The following MOSMO variants were observed in gnomAD, a reference collection of about 807,000 sequenced individuals.
The protein encoded by MOSMO is modulator of smoothened.
A neutral mutation model predicts 18.4 loss-of-function variants in MOSMO; 5 were observed. The ratio of observed to expected loss-of-function variants is 0.27; its 90% CI spans 0.14 to 0.57. MOSMO has a LOEUF of 0.57. MOSMO is among the 20% of genes least tolerant of loss of function. MOSMO has a pLI of 0.92. For missense variants in MOSMO, 138 were observed against 211.8 expected, an observed-to-expected ratio of 0.65 and a Z score of 2.16; for synonymous variants, 82 against 82.3, an observed-to-expected ratio of 1.00 and a Z score of 0.02.
intron 1 of MOSMO, among the ~76,000 whole-genome samples, chr16:22,032,116 T>A (rs1401887742): frequency 6.6e-6 from 1 of 152,138 alleles, no homozygotes; most frequent in Non-Finnish European, 1.5e-5. Context: ...ATGTAGCGCA[T>A]CTTTCCATAT....
At chr16:22,042,776 C>T (rs1900234251) in intron 1 of MOSMO, among the ~76,000 whole-genome samples, 1 of 152,170 alleles carries the variant, frequency 6.6e-6, no homozygotes, top group South Asian at 2.1e-4. Flanking sequence ...AACGGGAGTC[C>T]GTTCAGATGA....
chr16:22,076,773 T>C (rs1432946018), intron 2 of MOSMO, among the ~76,000 whole-genome samples: 1 of 152,230 alleles, frequency 6.6e-6, no homozygotes, highest in Non-Finnish European at 1.5e-5. Flanking sequence ...GAGAGTGATA[T>C]TCCTTCATGA....
At chr16:22,065,657 CTAT>C in intron 1 of MOSMO, among the ~76,000 whole-genome samples, 1 of 152,086 alleles carries the variant, frequency 6.6e-6, no homozygotes, top group Non-Finnish European at 1.5e-5. Flanking sequence ...TTCCTGAAAA[CTAT>C]TATTCAGTGC....
intron 1 of MOSMO, among the ~76,000 whole-genome samples, chr16:22,010,715 T>C (rs1899507114): frequency 6.6e-6 from 1 of 151,804 alleles, no homozygotes; most frequent in Non-Finnish European, 1.5e-5. Flanking sequence ...GGACAGGAGT[T>C]TGAGACCATC....
chr16:22,051,642 T>C (rs1900429570), intron 1 of MOSMO, among the ~76,000 whole-genome samples: 1 of 152,178 alleles, frequency 6.6e-6, no homozygotes, highest in South Asian at 2.1e-4. Context: ...ATATTAATAA[T>C]AAATCAATAA....
chr16:22,059,077 G>A (rs972010579), intron 1 of MOSMO, among the ~76,000 whole-genome samples: 8 of 151,988 alleles, frequency 5.3e-5, no homozygotes, highest in Admixed American at 1.3e-4. Context: ...TCTCTCTCTC[G>A]CCAGATATAT....
downstream of MOSMO, chr16:22,087,144 G>C (rs1901198950): frequency 6.6e-6 from 1 of 152,220 alleles, no homozygotes; most frequent in African/African-American, 2.4e-5. Flanking sequence ...GACGATGCCA[G>C]CACCCCGTTT....
chr16:22,045,021 C>CAA (rs747580729), intron 1 of MOSMO, among the ~76,000 whole-genome samples: 1 of 132,810 alleles, frequency 7.5e-6, no homozygotes. Flanking sequence ...ACAAAAAATA[C>CAA]AAAAAAAAAA....
At chr16:22,009,585 T>C (rs1295520461) in intron 1 of MOSMO, among the ~76,000 whole-genome samples, 1 of 152,060 alleles carries the variant, frequency 6.6e-6, no homozygotes, top group Non-Finnish European at 1.5e-5. Flanking sequence ...AGGAATGGTC[T>C]TGTTTTTTAA....
chr16:22,011,558 C>T (rs1456050821), intron 1 of MOSMO, among the ~76,000 whole-genome samples: 1 of 152,046 alleles, frequency 6.6e-6, no homozygotes, highest in African/African-American at 2.4e-5. Context: ...AATTGAAGAC[C>T]AGTCAGAGTG....
rs1480931097 is a variant in MOSMO, at chr16:22,080,682, G to T, written c.320-14G>T. The T allele has an allele frequency of 2.0e-5, 25 of 1,249,136 alleles. No individual in the cohort carries two copies. The highest frequency in any genetic ancestry group is 2.5e-5 in the Non-Finnish European group (25 of 998,996). 77.4% of individuals were successfully genotyped at this position (1,249,136 alleles called of 1,614,324 possible). On this transcript the variant is annotated splice_polypyrimidine_tract_variant and intron_variant, in intron 2 of 2. Coordinates refer to ENST00000542527, the MANE Select transcript of MOSMO (RefSeq NM_001164579.2). ...AACCATGTTACTAATGTTGTGTTTT[G>T]GTTTGTTTTACAGTGATCCTTTTCT...
At chr16:22,043,360 A>T (rs1319761898) in intron 1 of MOSMO, among the ~76,000 whole-genome samples, 1 of 152,192 alleles carries the variant, frequency 6.6e-6, no homozygotes, top group African/African-American at 2.4e-5. Context: ...TCCATTTCTG[A>T]CATAACTATC....
chr16:22,087,013 A>G (rs1046513544), downstream of MOSMO: 1 of 152,176 alleles, frequency 6.6e-6, no homozygotes, highest in African/African-American at 2.4e-5. Context: ...CTTTATTAAT[A>G]AGTATTTGGC....
intron 1 of MOSMO, among the ~76,000 whole-genome samples, chr16:22,035,022 C>T (rs146079603): frequency 2.6e-4 from 39 of 152,162 alleles, no homozygotes; most frequent in African/African-American, 8.7e-4. Context: ...GTGTGAGCCA[C>T]GGCGCCTGGC....
intron 2 of MOSMO, 36 bp from the exon 3 acceptor site, chr16:22,080,660 C>T (rs1422935824): frequency 2.2e-6 from 3 of 1,391,752 alleles, no homozygotes; most frequent in South Asian, 1.5e-5. Flanking sequence ...ATCACCAAAC[C>T]ATGTTACTAA....
At position 22,065,976 on chromosome 16, in the gene MOSMO, G is replaced by A. The variant is rs111756926; in HGVS notation, c.107-9511G>A. Among the ~76,000 whole-genome samples the A allele has an allele frequency of 1.6e-3, 240 of 152,332 alleles. 1 individual carries two copies. Among genetic ancestry groups the A allele is most frequent in the Non-Finnish European group, 2.3e-3 (154 of 68,026 alleles). Reference sequence around the variant, plus strand: ...GCTTGCAACAATTGAAGGAGCATTCGAGAAAATTGCCTGTATTTGGGTAAG... The same window carrying A: ...GCTTGCAACAATTGAAGGAGCATTCAAGAAAATTGCCTGTATTTGGGTAAG... On this transcript the variant is annotated intron_variant, in intron 1 of 2. Coordinates refer to ENST00000542527, the MANE Select transcript of MOSMO (RefSeq NM_001164579.2).
intron 1 of MOSMO, among the ~76,000 whole-genome samples, chr16:22,043,873 A>G: frequency 6.6e-6 from 1 of 152,134 alleles, no homozygotes; most frequent in African/African-American, 2.4e-5. Flanking sequence ...ATAAAGACAT[A>G]CCCAAGACTG....
intron 1 of MOSMO, chr16:22,075,246 G>A (rs773294631): frequency 3.3e-6 from 2 of 612,540 alleles, no homozygotes; most frequent in Non-Finnish European, 6.1e-6. Context: ...GAATGCCTGA[G>A]TGAACTGCCT....
rs370468119 is a variant in MOSMO, at chr16:22,068,998, A to G, written c.107-6489A>G. Among the ~76,000 whole-genome samples, 12 of 152,274 alleles carry G rather than the reference A, an allele frequency of 7.9e-5. No homozygotes were observed. In the South Asian group the frequency reaches 2.5e-3, roughly 32 times the overall value. ...GCCCCCAATGCAGATGCTATCCACA[A>G]GGTCAGGGGGTCCCCAGGCTACCTC... On this transcript the variant is annotated intron_variant, in intron 1 of 2. Transcript: ENST00000542527.
Sources: gnomAD v4.1 joint callset for allele counts (sites outside exome capture counted in the v4.1 genomes callset) on GRCh38, gnomAD v4.1.1 for gene constraint, MANE v1.5 for transcripts, NCBI Gene and HGNC (gene_info 2026-07-23, HGNC 2026-07-21) for gene names.